MINDY3: variants seen among roughly 807,000 people sequenced by gnomAD.
The protein encoded by MINDY3 is MINDY lysine 48 deubiquitinase 3.
A neutral mutation model predicts 69.2 loss-of-function variants in MINDY3; 38 were observed. The observed-to-expected ratio is 0.55, with a 90% CI of 0.42 to 0.72. The LOEUF is 0.72. Ranked by LOEUF, MINDY3 falls within the 30% of genes least tolerant of loss-of-function variation. The pLI is 0.00. For missense variants in MINDY3, 522 were observed against 519.0 expected (o/e 1.01, Z -0.06); for synonymous variants, 192 against 180.1 (o/e 1.07, Z -0.53).
At chr10:15,786,433 T>C (rs1401721597) in intron 13 of MINDY3, 128 bp downstream of exon 13, 7 of 652,102 alleles carry the variant, frequency 1.1e-5, no homozygotes, top group Non-Finnish European at 1.9e-5. Context: ...AAGGTTTCCA[T>C]GTAACGGTGT....
At chr10:15,818,380 A>G (rs748543157) in intron 9 of MINDY3, among the ~76,000 whole-genome samples, 5 of 152,166 alleles carry the variant, frequency 3.3e-5, no homozygotes, top group African/African-American at 4.8e-5. Context: ...AAACTCATGA[A>G]ATGTTTTGTA....
intron 8 of MINDY3, among the ~76,000 whole-genome samples, chr10:15,825,625 G>A (rs1229033044): frequency 3.9e-5 from 6 of 152,208 alleles, no homozygotes; most frequent in Non-Finnish European, 5.9e-5. Flanking sequence ...ACAAGCACCA[G>A]AGAAACATGA....
In MINDY3 at chr10:15,838,250, C is replaced by T. The variant is rs1833222247; in HGVS notation, c.439G>A (p.Glu147Lys). ...TACTGAATTAATGCATGAAATCGCTCAAAGCCAAGCTCTTCGACAGCCAAG... is the reference window on the plus strand; with the variant it reads ...TACTGAATTAATGCATGAAATCGCTTAAAGCCAAGCTCTTCGACAGCCAAG... The part of the protein sequence containing the change: ...SALAVEELGF[E>K]RFHALIQKRS... The change falls in exon 5 of 15, where the codon GAG becomes AAG. Residue 147 changes from glutamate (E) to lysine (K), a missense_variant. Coordinates refer to ENST00000277632, the MANE Select transcript of MINDY3 (RefSeq NM_024948.4). 6.2e-7 allele frequency: 1 copy of T among 1,603,810 alleles called. No individual in the cohort carries two copies. Among genetic ancestry groups the T allele is most frequent in the African/African-American group, 1.3e-5 (1 of 74,430 alleles).
chr10:15,805,473 T>A (rs895322283), intron 10 of MINDY3, among the ~76,000 whole-genome samples: 3 of 152,162 alleles, frequency 2.0e-5, no homozygotes, highest in Non-Finnish European at 4.4e-5. Flanking sequence ...TTAGGACTCT[T>A]TGTATCACTG....
At chr10:15,787,522 C>G (rs1388594168) in intron 12 of MINDY3, among the ~76,000 whole-genome samples, 2 of 152,148 alleles carry the variant, frequency 1.3e-5, no homozygotes, top group African/African-American at 2.4e-5. Context: ...CAACTTCTCT[C>G]CTTTCAGTTT....
chr10:15,781,384 T>C (rs1234434095), intron 14 of MINDY3, among the ~76,000 whole-genome samples: 1 of 148,740 alleles, frequency 6.7e-6, no homozygotes, highest in African/African-American at 2.5e-5. Context: ...ATATTAGCTA[T>C]AACTAATACA....
chr10:15,854,856 A>C (rs1834581222), intron 1 of MINDY3, among the ~76,000 whole-genome samples: 1 of 152,122 alleles, frequency 6.6e-6, no homozygotes, highest in Non-Finnish European at 1.5e-5. Flanking sequence ...GTGACAACTA[A>C]GGTTTCTGGT....
chr10:15,788,721 A>G (rs1837175009), intron 12 of MINDY3: 1 of 152,480 alleles, frequency 6.6e-6, no homozygotes, highest in African/African-American at 2.4e-5. Context: ...GAGAATGAAG[A>G]CAATGACAGG....
At chr10:15,808,469 C>T (rs976297229) in intron 10 of MINDY3, among the ~76,000 whole-genome samples, 4 of 152,072 alleles carry the variant, frequency 2.6e-5, no homozygotes, top group Non-Finnish European at 5.9e-5. Flanking sequence ...TTTTTAAACA[C>T]CTAAGAGAGA....
intron 2 of MINDY3, among the ~76,000 whole-genome samples, chr10:15,843,945 T>C (rs1313755506): frequency 6.6e-6 from 1 of 152,058 alleles, no homozygotes; most frequent in Non-Finnish European, 1.5e-5. Flanking sequence ...CTCCACCTAT[T>C]CTCTCTGAAT....
chr10:15,837,357 A>G (rs1833158632), intron 5 of MINDY3, 39 bp from the exon 6 acceptor site: 3 of 1,415,874 alleles, frequency 2.1e-6, no homozygotes, highest in East Asian at 4.6e-5. Context: ...TATCATGATG[A>G]GATTAACTAC....
chr10:15,809,626 A>G (rs2131947320), intron 10 of MINDY3, among the ~76,000 whole-genome samples: 1 of 152,018 alleles, frequency 6.6e-6, no homozygotes, highest in Non-Finnish European at 1.5e-5. Context: ...ACTGCATTTC[A>G]CCTCACCCGT....
chr10:15,791,644 T>C (rs1211736350), intron 11 of MINDY3, among the ~76,000 whole-genome samples: 1 of 151,946 alleles, frequency 6.6e-6, no homozygotes, highest in East Asian at 1.9e-4. Flanking sequence ...AAGCTGTTGG[T>C]TTAAAATTTT....
chr10:15,851,969 A>G (rs1022130717), intron 1 of MINDY3, among the ~76,000 whole-genome samples: 2 of 152,130 alleles, frequency 1.3e-5, no homozygotes, highest in African/African-American at 4.8e-5. Flanking sequence ...TGTAGCCTCA[A>G]TGCTCACTGT....
chr10:15,834,518 G>A, intron 7 of MINDY3, 25 bp downstream of exon 7: 2 of 1,529,136 alleles, frequency 1.3e-6, no homozygotes, highest in Non-Finnish European at 1.8e-6. Context: ...TTCACATGAG[G>A]AGACAAGAGA....
At chr10:15,852,506 G>C (rs1484436758) in intron 1 of MINDY3, among the ~76,000 whole-genome samples, 1 of 152,166 alleles carries the variant, frequency 6.6e-6, no homozygotes, top group Non-Finnish European at 1.5e-5. Flanking sequence ...AAAGTGAGCA[G>C]AGGCTGAGTC....
At chr10:15,832,050 G>A (rs1333833583) in intron 8 of MINDY3, among the ~76,000 whole-genome samples, 3 of 152,138 alleles carry the variant, frequency 2.0e-5, no homozygotes, top group Non-Finnish European at 2.9e-5. Context: ...CTCAGTCTAC[G>A]AGAGGTTGGG....
At chr10:15,823,263 A>T (rs184837571) in intron 8 of MINDY3, among the ~76,000 whole-genome samples, 1 of 152,160 alleles carries the variant, frequency 6.6e-6, no homozygotes. Context: ...TGGTTCTTCA[A>T]TTGTGGTTTA....
intron 10 of MINDY3, among the ~76,000 whole-genome samples, chr10:15,807,690 G>C (rs1838733003): frequency 1.3e-5 from 2 of 151,932 alleles, no homozygotes; most frequent in Non-Finnish European, 2.9e-5. Context: ...TTTATCTTTA[G>C]ACAATTATTT....
Sources: allele counts gnomAD v4.1 joint callset (sites outside exome capture counted in the v4.1 genomes callset), GRCh38; gene constraint gnomAD v4.1.1; transcripts MANE v1.5; gene names NCBI Gene and HGNC (gene_info 2026-07-23, HGNC 2026-07-21).